PTPN11: variants seen among roughly 807,000 people sequenced by gnomAD.
PTPN11 encodes tyrosine-protein phosphatase non-receptor type 11.
PTPN11 carries 6 observed loss-of-function variants against 78.8 expected under a neutral mutation model. That is an observed-to-expected ratio of 0.08 (90% CI 0.04 to 0.15). The LOEUF is 0.15. Among genes scored for constraint, PTPN11 ranks in the 10% least tolerant of loss-of-function variants. PTPN11 has a pLI of 1.00. For synonymous variants in PTPN11, 221 were observed against 263.5 expected, an observed-to-expected ratio of 0.84 and a Z score of 1.56; for missense variants, 386 against 744.8, an observed-to-expected ratio of 0.52 and a Z score of 5.61.
Position 112,450,463 on chromosome 12 carries a change from G to T in PTPN11, c.283G>T (p.Val95Phe). Residue 95 changes from valine (V) to phenylalanine (F), a missense_variant, in exon 3 of 16, where the codon GTC becomes TTC. Val to Phe is a conservative substitution (Grantham distance 50). Coordinates refer to ENST00000351677, the MANE Select transcript of PTPN11 (RefSeq NM_002834.5). ...GCAATTAAAAGAGAAGAATGGAGAT[G>T]TCATTGAGCTTAAATATCCTCTGAA... is the stretch of plus-strand genomic sequence containing the variant. ...HGQLKEKNGD[V>F]IELKYPLNCA... 6.2e-7 allele frequency: 1 copy of T among 1,614,084 alleles called. No homozygotes were observed. Among genetic ancestry groups the T allele is most frequent in the Non-Finnish European group, 8.5e-7 (1 of 1,179,966 alleles).
chr12:112,498,648 G>T (rs1319898494), intron 13 of PTPN11, among the ~76,000 whole-genome samples: 1 of 152,172 alleles, frequency 6.6e-6, no homozygotes, highest in Non-Finnish European at 1.5e-5. Flanking sequence ...ATTGCAGAAG[G>T]CTTGGTTACT....
intron 1 of PTPN11, among the ~76,000 whole-genome samples, chr12:112,439,827 C>T (rs1399907577): frequency 6.7e-6 from 1 of 150,110 alleles, no homozygotes; most frequent in Non-Finnish European, 1.5e-5. Flanking sequence ...AAACCATAAA[C>T]CCAATATTCT....
chr12:112,453,855 GC>G (rs2038114884), intron 4 of PTPN11, among the ~76,000 whole-genome samples: 1 of 151,654 alleles, frequency 6.6e-6, no homozygotes, highest in Non-Finnish European at 1.5e-5. Context: ...TTGCCGCATT[GC>G]CCAGTGTGGT....
intron 13 of PTPN11, among the ~76,000 whole-genome samples, chr12:112,496,849 C>T (rs2038820329): frequency 6.6e-6 from 1 of 152,208 alleles, no homozygotes; most frequent in South Asian, 2.1e-4. Context: ...GAACAGTGTT[C>T]TCTCTGAGTG....
intron 1 of PTPN11, among the ~76,000 whole-genome samples, chr12:112,429,552 C>A (rs7398235): frequency 1 from 148,222 of 148,228 alleles, 74,108 homozygotes; most frequent in Middle Eastern, 1. Context: ...CTGTAATCCC[C>A]GCACTTTGGG....
intron 13 of PTPN11, among the ~76,000 whole-genome samples, chr12:112,500,588 A>C (rs2038863264): frequency 6.6e-6 from 1 of 152,036 alleles, no homozygotes; most frequent in Admixed American, 6.6e-5. Flanking sequence ...TCAGGCAAAA[A>C]ATTATTTTTT....
At chr12:112,470,035 C>T (rs2038390523) in intron 6 of PTPN11, among the ~76,000 whole-genome samples, 1 of 152,146 alleles carries the variant, frequency 6.6e-6, no homozygotes, top group Non-Finnish European at 1.5e-5. Context: ...AATCCTCCCA[C>T]CTCAGCCTCT....
At chr12:112,422,392 A>C (rs982921610) in intron 1 of PTPN11, among the ~76,000 whole-genome samples, 1 of 152,156 alleles carries the variant, frequency 6.6e-6, no homozygotes, top group Non-Finnish European at 1.5e-5. Context: ...TTAGATTTTG[A>C]GGTTGCTTCT....
rs1779450434 is a variant in PTPN11, at chr12:112,509,575, T to C, written c.*3783T>C. The stretch of plus-strand genomic sequence containing the variant: ...ATATTTTATTGATAAATCTATCCTT[T>C]AAAAGGAATACGTTTTAGGATGTCA... On this transcript the variant is annotated 3_prime_UTR_variant, in exon 16 of 16. Coordinates refer to ENST00000351677, the MANE Select transcript of PTPN11 (RefSeq NM_002834.5). 6.5e-6 allele frequency: 1 copy of C among 152,676 alleles called. No individual in the cohort carries two copies. Among genetic ancestry groups the C allele is most frequent in the East Asian group, 1.9e-4 (1 of 5,208 alleles). The allele number at this position is 152,676 out of a possible 1,614,324, so 9.5% of individuals were successfully genotyped here.
intron 5 of PTPN11, among the ~76,000 whole-genome samples, chr12:112,455,192 A>ATTATTCCC (rs911625387): frequency 1.4e-5 from 2 of 142,928 alleles, no homozygotes; most frequent in Non-Finnish European, 3.1e-5. Flanking sequence ...CCAGATTTAT[A>ATTATTCCC]TTATTCCCAT....
In PTPN11 at chr12:112,442,830, TTATATATATATATATATATATATA is replaced by T. The variant is rs71086107; in HGVS notation, c.15-3421_15-3398del. ...CTCTCTCCTCTCTCTCTCTCTCTTT[TTATATATATATATATATATATATA>T]TATATATATATATATATATATATAA... On this transcript the variant is annotated intron_variant, in intron 1 of 15. Transcript: ENST00000351677. 1.7e-3 allele frequency among the ~76,000 whole-genome samples: 74 copies of T among 43,536 alleles called. 4 individuals carry two copies. Among genetic ancestry groups the T allele is most frequent in the Non-Finnish European group, 2.6e-3 (43 of 16,754 alleles). 28.6% of individuals were successfully genotyped at this position (43,536 alleles called of 152,430 possible). A position where few individuals can be genotyped will look rare whatever the true frequency, so the allele number is the denominator to read the frequency against.
At position 112,449,333 on chromosome 12, in the gene PTPN11, G is replaced by A. The variant is rs368014719; in HGVS notation, c.138-985G>A. Among the ~76,000 whole-genome samples the A allele has an allele frequency of 1.6e-4, 25 of 151,612 alleles. No individual in the cohort carries two copies. The East Asian group carries it at 3.2e-3, about 19-fold the overall frequency. ...ATCCTGGCTAACATGGTGAAACCCC[G>A]TCTCTACTAAAAATACAAAAAAATT... On this transcript the variant is annotated intron_variant, in intron 2 of 15. Transcript: ENST00000351677.
At chr12:112,447,017 C>T (rs934328160) in intron 2 of PTPN11, among the ~76,000 whole-genome samples, 1 of 152,072 alleles carries the variant, frequency 6.6e-6, no homozygotes, top group Admixed American at 6.6e-5. Flanking sequence ...AGGCTTGTGC[C>T]ACCATGCTCA....
chr12:112,503,370 C>T (rs947349933), intron 14 of PTPN11, among the ~76,000 whole-genome samples: 1 of 152,018 alleles, frequency 6.6e-6, no homozygotes, highest in African/African-American at 2.4e-5. Flanking sequence ...TTTATTTTTC[C>T]CTAAGAATCT....
intron 1 of PTPN11, among the ~76,000 whole-genome samples, chr12:112,423,006 G>T (rs1188875617): frequency 6.6e-6 from 1 of 152,162 alleles, no homozygotes; most frequent in African/African-American, 2.4e-5. Flanking sequence ...GAAGAAAGAG[G>T]CAAAAAGTGA....
chr12:112,492,553 C>T (rs949536308), intron 13 of PTPN11, among the ~76,000 whole-genome samples: 1 of 151,228 alleles, frequency 6.6e-6, no homozygotes, highest in African/African-American at 2.4e-5. Context: ...AGTCTCGCAC[C>T]GTCTCCCAGG....
At position 112,446,144 on chromosome 12, in the gene PTPN11, A is replaced by AC. The variant is rs2037990920; in HGVS notation, c.15-131dup. The AC allele has an allele frequency of 4.5e-6, 5 of 1,120,566 alleles. No individual in the cohort carries two copies. In the East Asian group the frequency reaches 1.3e-4, roughly 29 times the overall value. 69.4% of individuals were successfully genotyped at this position (1,120,566 alleles called of 1,614,324 possible). ...TGACCAAGGAGAAGAGGGGGAAGGG[A>AC]CAGGGAAGGTCTTGATTTGTATTTT... On this transcript the variant is annotated intron_variant, in intron 1 of 15. Transcript: ENST00000351677.
Position 112,504,627 on chromosome 12 carries a change from A to C in PTPN11, c.1713-68A>C, listed in dbSNP as rs1357911546. On this transcript the variant is annotated intron_variant, in intron 14 of 15. Transcript: ENST00000351677. The surrounding 1 kb of genome is among the most constrained non-coding windows in gnomAD (Gnocchi z 4.7). Reference sequence around the variant, plus strand: ...AAAGAATGTAGTATGTGTTTTATAGATATCATGTAAGCTTAAACAGCGTGG... The same window carrying C: ...AAAGAATGTAGTATGTGTTTTATAGCTATCATGTAAGCTTAAACAGCGTGG... 18 of 1,165,294 alleles carry C rather than the reference A, an allele frequency of 1.5e-5. No individual in the cohort carries two copies. The highest frequency in any genetic ancestry group is 2.2e-5 in the Non-Finnish European group (17 of 790,020). 72.2% of individuals were successfully genotyped at this position (1,165,294 alleles called of 1,614,324 possible).
At chr12:112,432,349 G>A (rs2037725856) in intron 1 of PTPN11, among the ~76,000 whole-genome samples, 1 of 152,064 alleles carries the variant, frequency 6.6e-6, no homozygotes, top group Non-Finnish European at 1.5e-5. Context: ...GATGATGGAC[G>A]GCATACATAA....
Sources: gnomAD v4.1 joint callset for allele counts (sites outside exome capture counted in the v4.1 genomes callset) on GRCh38, gnomAD v4.1.1 for gene constraint, Gnocchi (gnomAD v3.1) non-coding constraint, MANE v1.5 for transcripts, NCBI Gene and HGNC (gene_info 2026-07-23, HGNC 2026-07-21) for gene names.